Variants in ZFYVE26 observed in about 807,000 individuals in gnomAD.
ZFYVE26 encodes the protein zinc finger FYVE-type containing 26, also known as zinc finger FYVE domain-containing protein 26.
ZFYVE26 carries 181 observed loss-of-function variants against 276.5 expected under a neutral mutation model. The ratio of observed to expected loss-of-function variants is 0.65; its 90% CI spans 0.58 to 0.74. The LOEUF is 0.74. ZFYVE26 is among the 30% of genes least tolerant of loss of function. ZFYVE26 has a pLI of 0.00. For missense variants in ZFYVE26, 2,821 were observed against 3,097.9 expected, an observed-to-expected ratio of 0.91 and a Z score of 2.12; for synonymous variants, 1,129 against 1,203.1, an observed-to-expected ratio of 0.94 and a Z score of 1.27.
At position 67,793,705 on chromosome 14, in the gene ZFYVE26, G is replaced by C; in HGVS notation, c.2456C>G (p.Pro819Arg). 1 of 1,613,852 alleles carries C rather than the reference G, an allele frequency of 6.2e-7. No individual in the cohort carries two copies. Among genetic ancestry groups the C allele is most frequent in the Middle Eastern group, 1.7e-4 (1 of 6,060 alleles). The change falls in exon 14 of 42, where the codon CCC (proline) becomes CGC (arginine). Residue 819 changes from proline (P) to arginine (R), a missense_variant. Transcript: ENST00000347230. ...GGGGATGAGTGAACTTTGAGGATGG[G>C]GGTGCAATCTACTGTGCAGCTCATT... The part of the protein sequence containing the change: ...GRNELHSRLH[P>R]HPQSSLIPMM...
chr14:67,769,670 T>C lies in ZFYVE26; in HGVS notation c.5545A>G (p.Lys1849Glu), dbSNP rs1346546339. 1.2e-6 allele frequency: 2 copies of C among 1,614,060 alleles called. No homozygotes were observed. The highest frequency in any genetic ancestry group is 1.6e-4 in the Middle Eastern group (1 of 6,062). ...GRLVCSSCST[K>E]KMVVEGCREN... ...CTGCAGCCTTCAACCACCATTTTCTTAGTGGAGCAGGAGCTGCACACTAGC... is the reference window on the plus strand; with the variant it reads ...CTGCAGCCTTCAACCACCATTTTCTCAGTGGAGCAGGAGCTGCACACTAGC... The change falls in exon 29 of 42, where the codon AAG (lysine) becomes GAG (glutamate). Residue 1849 changes from lysine (K) to glutamate (E), a missense_variant. Transcript: ENST00000347230.
intron 13 of ZFYVE26, among the ~76,000 whole-genome samples, chr14:67,739,189 TTC>T (rs1397894300): frequency 3.9e-5 from 6 of 152,302 alleles, no homozygotes; most frequent in Middle Eastern, 3.4e-3. Flanking sequence ...GGAAGAAATT[TTC>T]TGTCTTGTGT....
chr14:67,797,880 T>C (rs769517951), intron 11 of ZFYVE26, 125 bp from the exon 12 acceptor site: 5 of 1,563,370 alleles, frequency 3.2e-6, no homozygotes, highest in Non-Finnish European at 4.4e-6. Flanking sequence ...CCCAGTGTTC[T>C]GACACTGGTT....
At chr14:67,767,887 C>T in intron 30 of ZFYVE26, 47 bp from the exon 31 acceptor site, 1 of 1,613,542 alleles carries the variant, frequency 6.2e-7, no homozygotes, top group South Asian at 1.1e-5. Flanking sequence ...GCTGGCAGTT[C>T]AGTCTAACCC....
At chr14:67,814,759 A>T in intron 2 of ZFYVE26, among the ~76,000 whole-genome samples, 1 of 152,264 alleles carries the variant, frequency 6.6e-6, no homozygotes, top group Non-Finnish European at 1.5e-5. Flanking sequence ...TGCTAAAAAC[A>T]GGACTTTAGG....
chr14:67,801,696 C>T (rs2040081820), intron 10 of ZFYVE26, among the ~76,000 whole-genome samples: 1 of 152,146 alleles, frequency 6.6e-6, no homozygotes, highest in Non-Finnish European at 1.5e-5. Context: ...CAGGAGTGTG[C>T]TCTATGAAGT....
intron 25 of ZFYVE26, 138 bp downstream of exon 25, chr14:67,777,421 A>G: frequency 7.2e-7 from 1 of 1,390,612 alleles, no homozygotes. Flanking sequence ...GTGCCTGGCA[A>G]AAGAGCCATT....
At chr14:67,799,559 T>C in intron 10 of ZFYVE26, 5 of 1,533,244 alleles carry the variant, frequency 3.3e-6, no homozygotes, top group Non-Finnish European at 4.5e-6. Context: ...GTACTGCAAG[T>C]CTTCCAAAGG....
chr14:67,770,548 C>T (rs547655708), intron 28 of ZFYVE26: 2 of 151,838 alleles, frequency 1.3e-5, no homozygotes, highest in Admixed American at 1.3e-4. Context: ...TTGTATCAGT[C>T]AATTCAGAAT....
intron 40 of ZFYVE26, chr14:67,751,496 T>A (rs1314576418): frequency 1.9e-4 from 57 of 307,038 alleles, no homozygotes; most frequent in South Asian, 1.7e-3. Context: ...TCCTCCCGCC[T>A]CAGCCTCTAG....
chr14:67,752,325 G>C lies in ZFYVE26; in HGVS notation c.7371+19C>G. 4 of 1,603,076 alleles carry C rather than the reference G, an allele frequency of 2.5e-6. No individual in the cohort carries two copies. Among genetic ancestry groups the C allele is most frequent in the Non-Finnish European group, 3.4e-6 (4 of 1,174,754 alleles). Reference sequence around the variant, plus strand: ...ACTGAAATTGATGGAGGAGCCAAGAGGTACGGGAGGGAGTGTACCTGGGGC... The same window carrying C: ...ACTGAAATTGATGGAGGAGCCAAGACGTACGGGAGGGAGTGTACCTGGGGC... On this transcript the variant is annotated intron_variant, in intron 40 of 41. Transcript: ENST00000347230.
chr14:67,766,161 G>T, intron 32 of ZFYVE26, 66 bp downstream of exon 32: 2 of 1,472,142 alleles, frequency 1.4e-6, no homozygotes, highest in Non-Finnish European at 1.9e-6. Flanking sequence ...ATCACAGTGG[G>T]GTCAGAAAAA....
intron 10 of ZFYVE26, among the ~76,000 whole-genome samples, chr14:67,800,923 G>A (rs1594932809): frequency 1.7e-5 from 1 of 57,564 alleles, no homozygotes; most frequent in South Asian, 6.8e-4. Context: ...AAAAGTTACC[G>A]TATAAATAAA....
At chr14:67,781,034 T>TAC (rs1421092271) in intron 22 of ZFYVE26, among the ~76,000 whole-genome samples, 1 of 152,210 alleles carries the variant, frequency 6.6e-6, no homozygotes, top group African/African-American at 2.4e-5. Context: ...TACAAAAATA[T>TAC]ACACAAAGCT....
chr14:67,749,155 T>C (rs1023019301), intron 41 of ZFYVE26, among the ~76,000 whole-genome samples: 2 of 152,190 alleles, frequency 1.3e-5, no homozygotes, highest in Non-Finnish European at 2.9e-5. Context: ...TCAATGAATA[T>C]GTATTACAGG....
intron 14 of ZFYVE26, among the ~76,000 whole-genome samples, chr14:67,793,305 G>T (rs1242531775): frequency 6.6e-6 from 1 of 152,134 alleles, no homozygotes; most frequent in East Asian, 1.9e-4. Flanking sequence ...CCATGTATAT[G>T]TTCAGAGAAG....
chr14:67,798,926 T>G, intron 10 of ZFYVE26: 1 of 1,054,446 alleles, frequency 9.5e-7, no homozygotes. Flanking sequence ...GAGCTCCGCT[T>G]GGCGCCTCTG....
intron 27 of ZFYVE26, among the ~76,000 whole-genome samples, chr14:67,773,241 T>A (rs1328978370): frequency 6.6e-6 from 1 of 152,024 alleles, no homozygotes; most frequent in Non-Finnish European, 1.5e-5. Flanking sequence ...TATCTGGTAT[T>A]TGCAAATTTT....
chr14:67,734,827 CTCCT>C (rs1285759298), intron 13 of ZFYVE26, among the ~76,000 whole-genome samples: 4 of 152,228 alleles, frequency 2.6e-5, no homozygotes, highest in African/African-American at 9.6e-5. Context: ...TTATCCCCAT[CTCCT>C]TCCTTCCTGA....
Sources: allele counts gnomAD v4.1 joint callset (sites outside exome capture counted in the v4.1 genomes callset), GRCh38; gene constraint gnomAD v4.1.1; transcripts MANE v1.5; gene names NCBI Gene and HGNC (gene_info 2026-07-23, HGNC 2026-07-21).